Variants in SEC24D observed in about 807,000 individuals in gnomAD.
SEC24D encodes SEC24 homolog D, COPII component, also known as protein transport protein Sec24D.
Under a neutral mutation model 116.9 loss-of-function variants are expected in SEC24D, and 69 were observed. The ratio of observed to expected loss-of-function variants is 0.59; its 90% CI spans 0.49 to 0.72. The LOEUF is 0.72. Among genes scored for constraint, SEC24D ranks in the 30% least tolerant of loss-of-function variants. The pLI is 0.00. For synonymous variants in SEC24D, 405 were observed against 442.8 expected (o/e 0.91, Z 1.07); for missense variants, 1,131 against 1,264.1 (o/e 0.89, Z 1.60).
Position 118,732,846 on chromosome 4 carries a change from G to A in SEC24D, c.2563C>T (p.Leu855=). ...GTTGAGATCTCTGGTCTGCTGAGTA[G>A]TACACAGTTTTTCAACAAGCAATTC... ...YMNCLLKNCV[L]LSRPEISTDE... Residue 855 remains leucine, a synonymous_variant, in exon 20 of 23, where the codon CTA becomes TTA. Coordinates refer to ENST00000280551, the MANE Select transcript of SEC24D (RefSeq NM_014822.4). 1 of 1,614,012 alleles carries A rather than the reference G, an allele frequency of 6.2e-7. No homozygotes were observed. Among genetic ancestry groups the A allele is most frequent in the Non-Finnish European group, 8.5e-7 (1 of 1,179,882 alleles).
chr4:118,773,941 G>C (rs1462840729), intron 8 of SEC24D, among the ~76,000 whole-genome samples: 1 of 152,038 alleles, frequency 6.6e-6, no homozygotes, highest in Non-Finnish European at 1.5e-5. Context: ...CATGTGAAAT[G>C]AAAGAATATT....
At chr4:118,797,216 C>G (rs1415635440) in intron 8 of SEC24D, among the ~76,000 whole-genome samples, 1 of 152,200 alleles carries the variant, frequency 6.6e-6, no homozygotes, top group Non-Finnish European at 1.5e-5. Flanking sequence ...ACAGATTTAT[C>G]TATCCCATAC....
chr4:118,815,858 G>GT (rs1730125868), intron 4 of SEC24D, 132 bp from the exon 5 acceptor site: 1 of 925,328 alleles, frequency 1.1e-6, no homozygotes, highest in South Asian at 1.7e-5. Context: ...ACATGTTTGG[G>GT]TTTTTTGCCA....
intron 8 of SEC24D, among the ~76,000 whole-genome samples, chr4:118,791,569 T>G (rs1017836381): frequency 6.6e-6 from 1 of 152,176 alleles, no homozygotes; most frequent in Non-Finnish European, 1.5e-5. Flanking sequence ...CTCCCTCTGA[T>G]GCCGAGCCGA....
At chr4:118,750,983 A>C (rs1006118599) in intron 13 of SEC24D, among the ~76,000 whole-genome samples, 5 of 152,050 alleles carry the variant, frequency 3.3e-5, no homozygotes, top group Non-Finnish European at 7.4e-5. Flanking sequence ...ATTATGTGGG[A>C]AGTGTCTCAT....
At chr4:118,816,214 C>A (rs1730141797) in intron 4 of SEC24D, among the ~76,000 whole-genome samples, 1 of 151,168 alleles carries the variant, frequency 6.6e-6, no homozygotes, top group Admixed American at 6.6e-5. Flanking sequence ...TAGGTGTGAG[C>A]CACCATGCCT....
intron 8 of SEC24D, among the ~76,000 whole-genome samples, chr4:118,788,149 A>G (rs1035138799): frequency 1.3e-5 from 2 of 152,314 alleles, no homozygotes; most frequent in Admixed American, 6.5e-5. Flanking sequence ...ATAATATAAT[A>G]CACTCCAGAC....
Position 118,824,800 on chromosome 4 carries a change from T to C in SEC24D, c.119-51A>G, listed in dbSNP as rs1730532109. 5 of 1,483,654 alleles carry C rather than the reference T, an allele frequency of 3.4e-6. No individual in the cohort carries two copies. In the South Asian group the frequency reaches 6.9e-5, roughly 20 times the overall value. The allele number at this position is 1,483,654 out of a possible 1,614,324, so 91.9% of individuals were successfully genotyped here. A position where few individuals can be genotyped will look rare whatever the true frequency, so the allele number is the denominator to read the frequency against. ...AAGTGTATTAAAGTACAAAGAGAGA[T>C]GAGGCAAAGTCATTAGGTTAAAAAT... is the stretch of plus-strand genomic sequence containing the variant. On this transcript the variant is annotated intron_variant, in intron 2 of 22. Coordinates refer to ENST00000280551, the MANE Select transcript of SEC24D (RefSeq NM_014822.4).
At chr4:118,755,057 A>AT (rs1379579246) in intron 11 of SEC24D, among the ~76,000 whole-genome samples, 5 of 152,142 alleles carry the variant, frequency 3.3e-5, no homozygotes, top group Non-Finnish European at 5.9e-5. Context: ...CTAAATTAAC[A>AT]TTTTTTAAAA....
At chr4:118,743,419 T>C (rs1391155597) in intron 15 of SEC24D, among the ~76,000 whole-genome samples, 1 of 151,812 alleles carries the variant, frequency 6.6e-6, no homozygotes, top group Non-Finnish European at 1.5e-5. Context: ...ATCCAGAACC[T>C]CCCACAGATA....
chr4:118,812,423 C>T (rs985793777), intron 6 of SEC24D, among the ~76,000 whole-genome samples: 1 of 152,110 alleles, frequency 6.6e-6, no homozygotes, highest in Non-Finnish European at 1.5e-5. Flanking sequence ...GCCCGCCATA[C>T]CCCCATCCTG....
At chr4:118,760,829 T>C (rs548585819) in intron 10 of SEC24D, among the ~76,000 whole-genome samples, 24 of 152,148 alleles carry the variant, frequency 1.6e-4, no homozygotes, top group Non-Finnish European at 2.9e-4. Context: ...TGCCTCAGCA[T>C]CCCAAGTAGC....
chr4:118,799,672 C>A (rs1360778853), intron 7 of SEC24D, among the ~76,000 whole-genome samples: 2 of 152,076 alleles, frequency 1.3e-5, no homozygotes, highest in East Asian at 3.9e-4. Flanking sequence ...AAACGAGGAG[C>A]CTAGCGTCCT....
chr4:118,806,202 G>T (rs1729669521), intron 6 of SEC24D, among the ~76,000 whole-genome samples: 1 of 152,172 alleles, frequency 6.6e-6, no homozygotes, highest in South Asian at 2.1e-4. Context: ...TACAATTTTA[G>T]AATAGTAGTT....
chr4:118,740,845 T>G (rs1726192205), intron 16 of SEC24D, 37 bp from the exon 17 acceptor site: 1 of 1,611,406 alleles, frequency 6.2e-7, no homozygotes, highest in Non-Finnish European at 8.5e-7. Context: ...TTGCTTGTCT[T>G]TATTCTACTG....
chr4:118,735,284 A>G (rs71610229), intron 19 of SEC24D, among the ~76,000 whole-genome samples: 1 of 152,200 alleles, frequency 6.6e-6, no homozygotes, highest in African/African-American at 2.4e-5. Flanking sequence ...AAACAAGAAG[A>G]CAATCTTATT....
intron 8 of SEC24D, among the ~76,000 whole-genome samples, chr4:118,788,469 T>C (rs956682515): frequency 6.6e-6 from 1 of 152,258 alleles, no homozygotes. Flanking sequence ...AGCCAGTTTT[T>C]ATTGGTTCCT....
At chr4:118,822,436 G>A (rs1040687539) in intron 3 of SEC24D, among the ~76,000 whole-genome samples, 2 of 152,040 alleles carry the variant, frequency 1.3e-5, no homozygotes, top group African/African-American at 2.4e-5. Context: ...TGAAATAAAT[G>A]GCAATAAACC....
At chr4:118,830,540 T>C (rs955631161) in intron 2 of SEC24D, among the ~76,000 whole-genome samples, 32 of 152,250 alleles carry the variant, frequency 2.1e-4, no homozygotes, top group African/African-American at 7.7e-4. Flanking sequence ...GAATAAACAT[T>C]TATAATTAGC....
Sources: allele counts gnomAD v4.1 joint callset (sites outside exome capture counted in the v4.1 genomes callset), GRCh38; gene constraint gnomAD v4.1.1; transcripts MANE v1.5; gene names NCBI Gene and HGNC (gene_info 2026-07-23, HGNC 2026-07-21).